ENDOD1: variants seen among roughly 807,000 people sequenced by gnomAD.
ENDOD1 encodes endonuclease domain-containing 1 protein.
In ENDOD1, 9 loss-of-function variants were observed where a neutral mutation model predicts 6.5. That is an observed-to-expected ratio of 1.39 (90% CI 0.84 to 2.43). The LOEUF (loss-of-function observed/expected upper bound fraction) is 2.43. Ranked by LOEUF, ENDOD1 falls within the 30% of genes most tolerant of loss-of-function variation. The probability of loss-of-function intolerance (pLI) is 0.00; values close to 1 mark genes in which losing one functional copy is unlikely to be tolerated. For synonymous variants in ENDOD1, 255 were observed against 255.2 expected (o/e 1.00, Z 0.01); for missense variants, 648 against 635.5 (o/e 1.02, Z -0.21).
intron 1 of ENDOD1, among the ~76,000 whole-genome samples, chr11:95,103,365 A>G (rs1555111127): frequency 6.6e-6 from 1 of 151,852 alleles, no homozygotes; most frequent in Non-Finnish European, 1.5e-5. Context: ...GCAGCTCTAG[A>G]CTCATAGTGT....
At chr11:95,091,181 C>T (rs1469542980) in intron 1 of ENDOD1, among the ~76,000 whole-genome samples, 1 of 152,176 alleles carries the variant, frequency 6.6e-6, no homozygotes, top group Non-Finnish European at 1.5e-5. Context: ...CCTTTGCCCT[C>T]TCACCAGCCT....
rs937255987 is a variant in ENDOD1, at chr11:95,131,671, A to G, written c.*2092A>G. ...GTGTGATGAAAACAATTAGCCATCCATGTACAACATTATGCTTACTGCATC... is the reference window on the plus strand; with the variant it reads ...GTGTGATGAAAACAATTAGCCATCCGTGTACAACATTATGCTTACTGCATC... On this transcript the variant is annotated 3_prime_UTR_variant, in exon 2 of 2. Coordinates refer to ENST00000278505, the MANE Select transcript of ENDOD1 (RefSeq NM_015036.3). 6.6e-6 allele frequency: 1 copy of G among 152,232 alleles called. No individual in the cohort carries two copies. Among genetic ancestry groups the G allele is most frequent in the Non-Finnish European group, 1.5e-5 (1 of 68,052 alleles). 9.4% of individuals were successfully genotyped at this position (152,232 alleles called of 1,614,324 possible).
intron 1 of ENDOD1, among the ~76,000 whole-genome samples, chr11:95,099,139 A>G (rs958025257): frequency 6.6e-6 from 1 of 152,118 alleles, no homozygotes; most frequent in African/African-American, 2.4e-5. Flanking sequence ...GTCTTGTTCT[A>G]TACTGATCCA....
intron 1 of ENDOD1, among the ~76,000 whole-genome samples, chr11:95,121,416 G>T (rs1859261074): frequency 6.6e-6 from 1 of 152,204 alleles, no homozygotes; most frequent in South Asian, 2.1e-4. Context: ...GGAGCTCATA[G>T]AAGAGTGTTT....
intron 1 of ENDOD1, among the ~76,000 whole-genome samples, chr11:95,105,554 G>A (rs1859081423): frequency 6.6e-6 from 1 of 152,050 alleles, no homozygotes; most frequent in Non-Finnish European, 1.5e-5. Flanking sequence ...ACATGCATTA[G>A]CTTGTTTCCT....
At chr11:95,128,230 A>G in intron 1 of ENDOD1, 147 bp from the exon 2 acceptor site, 3 of 850,482 alleles carry the variant, frequency 3.5e-6, no homozygotes, top group East Asian at 2.5e-5. Context: ...TGAAGTGTCC[A>G]TGTGCCAGAG....
Position 95,122,589 on chromosome 11 carries a change from T to TACACACACACACAC in ENDOD1, c.301-5766_301-5753dup, listed in dbSNP as rs55940348. Among the ~76,000 whole-genome samples, 292 of 142,804 alleles carry TACACACACACACAC rather than the reference T, an allele frequency of 2.0e-3. 2 individuals carry two copies. Among genetic ancestry groups the TACACACACACACAC allele is most frequent in the East Asian group, 6.2e-3 (29 of 4,690 alleles). 93.7% of individuals were successfully genotyped at this position (142,804 alleles called of 152,430 possible). A position where few individuals can be genotyped will look rare whatever the true frequency, so the allele number is the denominator to read the frequency against. ...CTATAGATGAAGTGGGCATTTAAGT[T>TACACACACACACAC]ACACACACACACACACACACACACA... On this transcript the variant is annotated intron_variant, in intron 1 of 1. Transcript: ENST00000278505.
intron 1 of ENDOD1, among the ~76,000 whole-genome samples, chr11:95,112,063 G>A (rs182596618): frequency 1.2e-3 from 182 of 152,144 alleles, no homozygotes; most frequent in African/African-American, 4.3e-3. Flanking sequence ...GCCCTCTGTC[G>A]CTACTGGTCT....
At chr11:95,117,366 G>A (rs559783814) in intron 1 of ENDOD1, among the ~76,000 whole-genome samples, 1 of 152,326 alleles carries the variant, frequency 6.6e-6, no homozygotes, top group Non-Finnish European at 1.5e-5. Context: ...CTGAGATTGA[G>A]CCACTGCACT....
At chr11:95,119,515 A>G (rs1859242525) in intron 1 of ENDOD1, among the ~76,000 whole-genome samples, 1 of 152,210 alleles carries the variant, frequency 6.6e-6, no homozygotes, top group African/African-American at 2.4e-5. Flanking sequence ...TCTCAAACAG[A>G]CAGAGTCTCT....
At chr11:95,119,840 G>A (rs985032821) in intron 1 of ENDOD1, among the ~76,000 whole-genome samples, 2 of 152,218 alleles carry the variant, frequency 1.3e-5, no homozygotes, top group Admixed American at 1.3e-4. Flanking sequence ...TCTACCTGGT[G>A]TTCTAGTCCA....
At chr11:95,118,813 A>G (rs1859235559) in intron 1 of ENDOD1, among the ~76,000 whole-genome samples, 1 of 151,848 alleles carries the variant, frequency 6.6e-6, no homozygotes, top group Non-Finnish European at 1.5e-5. Context: ...CTTTGAGGCT[A>G]TTTTCTAGAT....
intron 1 of ENDOD1, among the ~76,000 whole-genome samples, chr11:95,108,741 C>G (rs1859118706): frequency 6.6e-6 from 1 of 152,084 alleles, no homozygotes; most frequent in Non-Finnish European, 1.5e-5. Context: ...GCCCCACCAT[C>G]CTCCCCCTCC....
In ENDOD1 at chr11:95,110,574, C is replaced by CGTGT. The variant is rs758027047; in HGVS notation, c.301-17802_301-17799dup. On this transcript the variant is annotated intron_variant, in intron 1 of 1. Coordinates refer to ENST00000278505, the MANE Select transcript of ENDOD1 (RefSeq NM_015036.3). ...ACTCTTTTTTGCTGACTTTCAAGTC[C>CGTGT]GTGTATGTATGTGTGTGTGTGTGTG... Among the ~76,000 whole-genome samples, 1,342 of 138,808 alleles carry CGTGT rather than the reference C, an allele frequency of 9.7e-3. 8 individuals carry two copies. The highest frequency in any genetic ancestry group is 0.014 in the Non-Finnish European group (917 of 63,858). 91.1% of individuals were successfully genotyped at this position (138,808 alleles called of 152,430 possible).
At chr11:95,101,444 A>C (rs1859039694) in intron 1 of ENDOD1, among the ~76,000 whole-genome samples, 4 of 152,208 alleles carry the variant, frequency 2.6e-5, no homozygotes, top group Admixed American at 2.6e-4. Context: ...ACAGCAGCCT[A>C]GATGTACACG....
Position 95,090,163 on chromosome 11 carries a change from C to A in ENDOD1, c.236C>A (p.Ser79Tyr), listed in dbSNP as rs1457881644. ...ACCCGGGACCGCATCCCCGTGTACTCCGCGTTCCGCGCCCCGCGCCCTGCG... is the reference window on the plus strand; with the variant it reads ...ACCCGGGACCGCATCCCCGTGTACTACGCGTTCCGCGCCCCGCGCCCTGCG... ...YSTRDRIPVY[S>Y]AFRAPRPAPG... The change falls in exon 1 of 2, where the codon TCC (serine) becomes TAC (tyrosine). Residue 79 changes from serine (S) to tyrosine (Y), a missense_variant. Physicochemically the swap from Ser to Tyr is moderately radical, Grantham distance 144. Transcript: ENST00000278505. The A allele has an allele frequency of 4.1e-6, 6 of 1,457,764 alleles. No homozygotes were observed. Among genetic ancestry groups the A allele is most frequent in the Non-Finnish European group, 5.5e-6 (6 of 1,092,044 alleles). 90.3% of individuals were successfully genotyped at this position (1,457,764 alleles called of 1,614,324 possible). A position where few individuals can be genotyped will look rare whatever the true frequency, so the allele number is the denominator to read the frequency against.
At position 95,090,096 on chromosome 11, in the gene ENDOD1, C is replaced by T; in HGVS notation, c.169C>T (p.Gln57Ter). The T allele has an allele frequency of 6.3e-7, 1 of 1,596,538 alleles. No homozygotes were observed. Among genetic ancestry groups the T allele is most frequent in the South Asian group, 1.1e-5 (1 of 87,900 alleles). ...LAADSHVKIC[Q>*]RAEGAERFAT... ...GGCCGATTCCCACGTGAAGATCTGT[C>T]AGCGCGCGGAGGGTGCTGAGCGCTT... The change falls in exon 1 of 2, where the codon CAG (glutamine) becomes TAG (stop). Residue 57 changes from glutamine (Q) to a stop codon, truncating the protein, a stop_gained. Transcript: ENST00000278505. LOFTEE classifies it high-confidence loss of function.
At chr11:95,127,628 G>A (rs1859324214) in intron 1 of ENDOD1, among the ~76,000 whole-genome samples, 1 of 152,194 alleles carries the variant, frequency 6.6e-6, no homozygotes. Flanking sequence ...ATTGGTGGCT[G>A]ATTAACTGAG....
At chr11:95,094,495 G>C (rs1858965121) in intron 1 of ENDOD1, among the ~76,000 whole-genome samples, 1 of 152,190 alleles carries the variant, frequency 6.6e-6, no homozygotes, top group South Asian at 2.1e-4. Flanking sequence ...CATAAAGGTT[G>C]CTCAAGTGTC....
Sources: gnomAD v4.1 joint callset for allele counts (sites outside exome capture counted in the v4.1 genomes callset) on GRCh38, gnomAD v4.1.1 for gene constraint, MANE v1.5 for transcripts, NCBI Gene and HGNC (gene_info 2026-07-23, HGNC 2026-07-21) for gene names.